DPYS: variants seen among roughly 807,000 people sequenced by gnomAD.
DPYS encodes the protein dihydropyrimidine amidohydrolase.
A neutral mutation model predicts 50.3 loss-of-function variants in DPYS; 39 were observed. That is an observed-to-expected ratio of 0.78 (90% CI 0.60 to 1.01). DPYS has a LOEUF of 1.01. Among genes scored for constraint, DPYS ranks in the 50% least tolerant of loss-of-function variants. DPYS has a pLI of 0.00. For missense variants in DPYS, 659 were observed against 680.9 expected (o/e 0.97, Z 0.36); for synonymous variants, 245 against 250.7 (o/e 0.98, Z 0.22).
At chr8:104,415,755 A>G (rs1187702217) in intron 7 of DPYS, among the ~76,000 whole-genome samples, 2 of 152,180 alleles carry the variant, frequency 1.3e-5, no homozygotes, top group African/African-American at 4.8e-5. Context: ...TCTGAAATTT[A>G]GTGGTGAAAA....
intron 2 of DPYS, among the ~76,000 whole-genome samples, chr8:104,450,089 G>A (rs1259735234): frequency 7.3e-6 from 1 of 137,036 alleles, no homozygotes; most frequent in East Asian, 2.3e-4. Context: ...TATAAAATAG[G>A]AGAATAGGAA....
At chr8:104,396,157 A>G (rs1811577879) in intron 7 of DPYS, among the ~76,000 whole-genome samples, 1 of 152,258 alleles carries the variant, frequency 6.6e-6, no homozygotes, top group South Asian at 2.1e-4. Flanking sequence ...TTTTATGGCC[A>G]TTATAATCTG....
At chr8:104,466,538 C>G in intron 1 of DPYS, 119 bp downstream of exon 1, 1 of 1,189,950 alleles carries the variant, frequency 8.4e-7, no homozygotes, top group Non-Finnish European at 1.1e-6. Context: ...CCTTCCCGCC[C>G]ACCCAGCTCC....
chr8:104,406,019 A>C (rs1811985057), intron 7 of DPYS, among the ~76,000 whole-genome samples: 1 of 152,224 alleles, frequency 6.6e-6, no homozygotes, highest in Admixed American at 6.5e-5. Context: ...TTTGACAGAC[A>C]AGGGAATTGA....
Position 104,381,191 on chromosome 8 carries a change from A to T in DPYS, c.*7T>A. 6.2e-7 allele frequency: 1 copy of T among 1,612,886 alleles called. No homozygotes were observed. The highest frequency in any genetic ancestry group is 8.5e-7 in the Non-Finnish European group (1 of 1,179,038). On this transcript the variant is annotated 3_prime_UTR_variant, in exon 9 of 10. Coordinates refer to ENST00000351513, the MANE Select transcript of DPYS (RefSeq NM_001385.3). ...TTGCCTACAGTCCCTTACCGATGGCACACACTTCAGGGGTGGGCCTGTTTC... is the reference window on the plus strand; with the variant it reads ...TTGCCTACAGTCCCTTACCGATGGCTCACACTTCAGGGGTGGGCCTGTTTC...
intron 1 of DPYS, among the ~76,000 whole-genome samples, chr8:104,452,400 G>C (rs1356666421): frequency 6.6e-6 from 1 of 152,202 alleles, no homozygotes. Flanking sequence ...ACGGACACCA[G>C]GGTACAAAGC....
chr8:104,459,153 G>C (rs1383675119), intron 1 of DPYS, among the ~76,000 whole-genome samples: 1 of 152,222 alleles, frequency 6.6e-6, no homozygotes, highest in Admixed American at 6.5e-5. Context: ...GCAGTGTTGA[G>C]GTGTAGATGG....
At chr8:104,434,267 G>C (rs1813053296) in intron 4 of DPYS, among the ~76,000 whole-genome samples, 1 of 152,216 alleles carries the variant, frequency 6.6e-6, no homozygotes, top group African/African-American at 2.4e-5. Flanking sequence ...TTATCATGCA[G>C]ATGAAGCCTC....
chr8:104,445,770 G>A (rs1420044093), intron 3 of DPYS, among the ~76,000 whole-genome samples: 3 of 152,214 alleles, frequency 2.0e-5, no homozygotes, highest in Admixed American at 2.0e-4. Context: ...TTTTGGCCGG[G>A]CGCGGTGGCT....
chr8:104,423,959 T>C, intron 7 of DPYS: 1 of 983,400 alleles, frequency 1.0e-6, no homozygotes, highest in Non-Finnish European at 1.2e-6. Context: ...CTTTCTTCCA[T>C]GTGAACTCGG....
intron 7 of DPYS, among the ~76,000 whole-genome samples, chr8:104,409,786 A>C (rs1360983020): frequency 6.6e-6 from 1 of 152,240 alleles, no homozygotes; most frequent in Non-Finnish European, 1.5e-5. Flanking sequence ...AACAAGCCCC[A>C]AAAGTTGCTA....
At chr8:104,387,314 TGGGAGA>T (rs1426814389) in intron 8 of DPYS, among the ~76,000 whole-genome samples, 1 of 151,864 alleles carries the variant, frequency 6.6e-6, no homozygotes, top group East Asian at 1.9e-4. Flanking sequence ...CTGGCTGGAG[TGGGAGA>T]GGGAAAGATT....
At chr8:104,459,451 C>CCAGCAA (rs1564115942) in intron 1 of DPYS, among the ~76,000 whole-genome samples, 1 of 152,192 alleles carries the variant, frequency 6.6e-6, no homozygotes, top group East Asian at 1.9e-4. Context: ...AACCTCTGCA[C>CCAGCAA]CAGCCACAAT....
At chr8:104,389,539 ATT>A (rs201683920) in intron 8 of DPYS, among the ~76,000 whole-genome samples, 12 of 116,456 alleles carry the variant, frequency 1.0e-4, no homozygotes, top group African/African-American at 3.7e-4. Flanking sequence ...TCTTCCTTTT[ATT>A]TTTTTTTTTT....
chr8:104,454,378 C>A (rs1439362568), intron 1 of DPYS, among the ~76,000 whole-genome samples: 1 of 152,168 alleles, frequency 6.6e-6, no homozygotes, highest in Non-Finnish European at 1.5e-5. Flanking sequence ...AAGAGTGAAA[C>A]TCCATCTCAA....
intron 4 of DPYS, among the ~76,000 whole-genome samples, chr8:104,438,457 C>G (rs922288274): frequency 6.6e-6 from 1 of 152,052 alleles, no homozygotes; most frequent in Non-Finnish European, 1.5e-5. Context: ...GCTTTTGAGT[C>G]CTACTGGAAT....
At chr8:104,381,005 T>C (rs1251749511) in intron 9 of DPYS, 179 bp downstream of exon 9, 1 of 591,110 alleles carries the variant, frequency 1.7e-6, no homozygotes, top group Non-Finnish European at 3.1e-6. Context: ...CAAGGCCTTC[T>C]ACAATCTGGA....
In DPYS at chr8:104,392,846, T is replaced by A. The variant is rs1461393356; in HGVS notation, c.1381A>T (p.Lys461Ter). The change falls in exon 8 of 10, where the codon AAG (lysine) becomes TAG (stop). Residue 461 changes from lysine (K) to a stop codon, truncating the protein, a stop_gained. Transcript: ENST00000351513. LOFTEE classifies it high-confidence loss of function. ...GVFSVTAGDG[K>*]FIPRKPFAEY... ...GCAAATGGTTTTCGAGGAATAAACT[T>A]CCCATCTCCTGCCGTGACACTGAAC... 1 of 1,614,168 alleles carries A rather than the reference T, an allele frequency of 6.2e-7. No homozygotes were observed. Among genetic ancestry groups the A allele is most frequent in the Non-Finnish European group, 8.5e-7 (1 of 1,180,032 alleles).
At chr8:104,428,380 C>G (rs532298817) in intron 5 of DPYS, among the ~76,000 whole-genome samples, 58 of 152,378 alleles carry the variant, frequency 3.8e-4, no homozygotes, top group African/African-American at 1.3e-3. Flanking sequence ...AGCTCCATCA[C>G]TTAACTAGCT....
Sources: allele counts gnomAD v4.1 joint callset (sites outside exome capture counted in the v4.1 genomes callset), GRCh38; gene constraint gnomAD v4.1.1; transcripts MANE v1.5; gene names NCBI Gene and HGNC (gene_info 2026-07-23, HGNC 2026-07-21).